Variants in SOBP observed in about 807,000 individuals in gnomAD.
The protein encoded by SOBP is sine oculis-binding protein homolog.
Under a neutral mutation model 53.6 loss-of-function variants are expected in SOBP, and 4 were observed. The observed-to-expected ratio is 0.07, with a 90% CI of 0.04 to 0.17. The LOEUF (loss-of-function observed/expected upper bound fraction) is 0.17. Ranked by LOEUF, SOBP falls within the 10% of genes least tolerant of loss-of-function variation. The pLI is 1.00. For synonymous variants in SOBP, 584 were observed against 522.6 expected (o/e 1.12, Z -1.60); for missense variants, 1,088 against 1,204.7 (o/e 0.90, Z 1.43).
At chr6:107,549,473 A>G (rs891908380) in intron 4 of SOBP, among the ~76,000 whole-genome samples, 1 of 151,276 alleles carries the variant, frequency 6.6e-6, no homozygotes, top group Non-Finnish European at 1.5e-5. Context: ...TAGATGCCTT[A>G]TGGGGTTTCA....
chr6:107,514,141 T>A (rs1226953233), intron 3 of SOBP: 1 of 152,460 alleles, frequency 6.6e-6, no homozygotes, highest in African/African-American at 2.4e-5. Context: ...GTTCCTTACA[T>A]TGTGCTAGAC....
Position 107,634,417 on chromosome 6 carries a change from G to T in SOBP, c.1573G>T (p.Val525Leu). ...GCTGGTGCCGCCCCCGACCCTGCTC[G>T]TGCCGTACCCCGTGATCGTGCCCCT... ...APLVPPPTLL[V>L]PYPVIVPLPV... The change falls in exon 6 of 7, where the codon GTG becomes TTG. Residue 525 changes from valine to leucine, a missense_variant. Val to Leu is a conservative substitution (Grantham distance 32). Transcript: ENST00000317357. This position sits in a 1 kb window ranked among gnomAD's most constrained non-coding sequence, Gnocchi z 4.5. 4.4e-6 allele frequency: 7 copies of T among 1,605,166 alleles called. No homozygotes were observed. The highest frequency in any genetic ancestry group is 4.2e-6 in the Non-Finnish European group (5 of 1,179,716).
At chr6:107,548,735 G>A (rs1165784125) in intron 4 of SOBP, among the ~76,000 whole-genome samples, 2 of 151,728 alleles carry the variant, frequency 1.3e-5, no homozygotes, top group Non-Finnish European at 2.9e-5. Context: ...CCAGGAGTTC[G>A]TGACCAGCCT....
At chr6:107,619,386 A>G (rs1412942592) in intron 5 of SOBP, among the ~76,000 whole-genome samples, 31 of 152,176 alleles carry the variant, frequency 2.0e-4, no homozygotes, top group Admixed American at 1.9e-3. Context: ...AAGTTTAAGT[A>G]TGTTTCTTTT....
At chr6:107,493,482 G>A (rs1782627703) in intron 1 of SOBP, among the ~76,000 whole-genome samples, 1 of 152,230 alleles carries the variant, frequency 6.6e-6, no homozygotes, top group Admixed American at 6.5e-5. Flanking sequence ...GGAGGATCAG[G>A]AGGAGGCCCC....
At chr6:107,644,117 A>G (rs1284739262) in intron 6 of SOBP, among the ~76,000 whole-genome samples, 1 of 152,204 alleles carries the variant, frequency 6.6e-6, no homozygotes, top group Non-Finnish European at 1.5e-5. Flanking sequence ...AGCCTGGCCA[A>G]CATGGGGAAA....
chr6:107,582,776 T>C (rs1320996678), intron 4 of SOBP, among the ~76,000 whole-genome samples: 6 of 152,218 alleles, frequency 3.9e-5, no homozygotes, highest in African/African-American at 9.6e-5. Flanking sequence ...CTTTCAGAAC[T>C]TGTCACTCTG....
At chr6:107,523,331 A>G in intron 3 of SOBP, among the ~76,000 whole-genome samples, 1 of 152,226 alleles carries the variant, frequency 6.6e-6, no homozygotes, top group East Asian at 1.9e-4. Flanking sequence ...TCTTTGCTCT[A>G]AGAAATCTAA....
intron 4 of SOBP, among the ~76,000 whole-genome samples, chr6:107,542,265 G>A (rs957365770): frequency 7.2e-5 from 11 of 152,118 alleles, no homozygotes; most frequent in African/African-American, 1.7e-4. Flanking sequence ...AGGAAGTGAC[G>A]GAGCTAGTTG....
intron 4 of SOBP, among the ~76,000 whole-genome samples, chr6:107,579,795 T>C (rs1334237007): frequency 1.3e-5 from 2 of 152,196 alleles, no homozygotes; most frequent in Non-Finnish European, 2.9e-5. Context: ...AATTGGATGT[T>C]AAAAATTTAT....
At chr6:107,499,205 G>A (rs1782773999) in intron 1 of SOBP, among the ~76,000 whole-genome samples, 1 of 152,032 alleles carries the variant, frequency 6.6e-6, no homozygotes, top group African/African-American at 2.4e-5. Context: ...AAGAGACCTG[G>A]CTTAAGAATT....
At chr6:107,541,611 A>G (rs6907540) in intron 4 of SOBP, among the ~76,000 whole-genome samples, 89,982 of 152,114 alleles carry the variant, frequency 0.59, 29,934 homozygotes, top group East Asian at 0.9. Flanking sequence ...GCAAATTTTC[A>G]CTGGCCTTTT....
chr6:107,559,106 C>T (rs1419222170), intron 4 of SOBP, among the ~76,000 whole-genome samples: 14 of 151,658 alleles, frequency 9.2e-5, no homozygotes, highest in Admixed American at 9.2e-4. Context: ...TATTTCTGAA[C>T]CAAATGATGA....
At chr6:107,572,392 C>T (rs989240064) in intron 4 of SOBP, among the ~76,000 whole-genome samples, 3 of 151,642 alleles carry the variant, frequency 2.0e-5, no homozygotes, top group African/African-American at 7.3e-5. Context: ...CAGCCTCTGC[C>T]TCCTGGGCTC....
chr6:107,601,892 T>C (rs1786190302), intron 5 of SOBP, among the ~76,000 whole-genome samples: 1 of 152,268 alleles, frequency 6.6e-6, no homozygotes, highest in Non-Finnish European at 1.5e-5. Flanking sequence ...ATTCATTTAA[T>C]GAGCAGCAGA....
At chr6:107,621,633 G>A (rs1052144276) in intron 5 of SOBP, among the ~76,000 whole-genome samples, 3 of 152,208 alleles carry the variant, frequency 2.0e-5, no homozygotes, top group East Asian at 1.9e-4. Context: ...CCCAACACAC[G>A]GAGCCTTTTG....
At chr6:107,495,227 C>T (rs1337746853) in intron 1 of SOBP, among the ~76,000 whole-genome samples, 1 of 152,182 alleles carries the variant, frequency 6.6e-6, no homozygotes, top group Non-Finnish European at 1.5e-5. Flanking sequence ...GGCACATAGC[C>T]CTGGCCTCTT....
At chr6:107,520,215 G>T (rs1479835833) in intron 3 of SOBP, among the ~76,000 whole-genome samples, 1 of 152,150 alleles carries the variant, frequency 6.6e-6, no homozygotes, top group Non-Finnish European at 1.5e-5. Context: ...AAGAAACTAA[G>T]TCAGGGGTTC....
intron 4 of SOBP, among the ~76,000 whole-genome samples, chr6:107,548,895 C>G (rs937318269): frequency 3.3e-5 from 5 of 152,110 alleles, no homozygotes; most frequent in African/African-American, 1.2e-4. Flanking sequence ...TGTGATTGTG[C>G]TACTGCACTC....
Sources: gnomAD v4.1 joint callset for allele counts (sites outside exome capture counted in the v4.1 genomes callset) on GRCh38, gnomAD v4.1.1 for gene constraint, Gnocchi (gnomAD v3.1) non-coding constraint, MANE v1.5 for transcripts, NCBI Gene and HGNC (gene_info 2026-07-23, HGNC 2026-07-21) for gene names.